The following OCIAD2 variants were observed in gnomAD, a reference collection of about 807,000 sequenced individuals.
OCIAD2 encodes OCIA domain containing 2.
Under a neutral mutation model 22.9 loss-of-function variants are expected in OCIAD2, and 29 were observed. The observed-to-expected ratio is 1.27, with a 90% CI of 0.94 to 1.73. The LOEUF is 1.73. Ranked by LOEUF, OCIAD2 falls within the 40% of genes most tolerant of loss-of-function variation. OCIAD2 has a pLI of 0.00. For missense variants in OCIAD2, 189 were observed against 180.3 expected (o/e 1.05, Z -0.28); for synonymous variants, 67 against 60.2 (o/e 1.11, Z -0.52).
At chr4:48,894,721 G>A (rs1579153205) in intron 4 of OCIAD2, among the ~76,000 whole-genome samples, 1 of 151,972 alleles carries the variant, frequency 6.6e-6, no homozygotes, top group East Asian at 1.9e-4. Flanking sequence ...AAGTTCTAGG[G>A]TACATGTGCA....
intron 2 of OCIAD2, among the ~76,000 whole-genome samples, chr4:48,902,427 G>T (rs1014124323): frequency 2.0e-5 from 3 of 152,152 alleles, no homozygotes; most frequent in African/African-American, 7.2e-5. Flanking sequence ...GTCCAAATGG[G>T]CAACCTCCCT....
intron 5 of OCIAD2, chr4:48,893,730 G>A: frequency 4.5e-6 from 1 of 223,962 alleles, no homozygotes; most frequent in East Asian, 9.0e-5. Flanking sequence ...AAGAAATGCA[G>A]AGTGGCAGAA....
intron 4 of OCIAD2, among the ~76,000 whole-genome samples, chr4:48,896,407 T>C (rs566553835): frequency 1.3e-5 from 2 of 152,036 alleles, no homozygotes; most frequent in South Asian, 2.1e-4. Flanking sequence ...CTAGGCAATA[T>C]AGTGAGACAC....
rs1425970376 is a variant in OCIAD2 at position 48,895,947 on chromosome 4, G to T, written c.217+1857C>A. ...CTAGGGAGGCTGAGGCAGGAGAATT[G>T]CTTGAACCCAGCAAGTGGAGGTTGT... On this transcript the variant is annotated intron_variant, in intron 4 of 6. Coordinates refer to ENST00000508632, the MANE Select transcript of OCIAD2 (RefSeq NM_001014446.3). Among the ~76,000 whole-genome samples the T allele has an allele frequency of 5.3e-5, 8 of 151,560 alleles. No homozygotes were observed. In the East Asian group the frequency reaches 1.6e-3, roughly 30 times the overall value.
chr4:48,887,003 T>C (rs1321475924), intron 6 of OCIAD2, among the ~76,000 whole-genome samples: 2 of 152,204 alleles, frequency 1.3e-5, no homozygotes, highest in African/African-American at 4.8e-5. Flanking sequence ...CCAGCCCCTG[T>C]TGTTTCCTGA....
chr4:48,887,715 G>A (rs1188718277), intron 6 of OCIAD2, among the ~76,000 whole-genome samples: 2 of 152,184 alleles, frequency 1.3e-5, no homozygotes, highest in Non-Finnish European at 2.9e-5. Context: ...TTGGTACCCA[G>A]TACCATGCTG....
intron 6 of OCIAD2, among the ~76,000 whole-genome samples, chr4:48,889,310 T>C (rs1781093945): frequency 6.6e-6 from 1 of 152,194 alleles, no homozygotes. Context: ...CATTGATTTT[T>C]TGAAGGGTTT....
At chr4:48,891,968 A>G (rs557787048) in intron 6 of OCIAD2, among the ~76,000 whole-genome samples, 1 of 152,336 alleles carries the variant, frequency 6.6e-6, no homozygotes, top group South Asian at 2.1e-4. Context: ...GGCCCCATCT[A>G]TCACTACAGG....
At chr4:48,889,232 C>G (rs887158835) in intron 6 of OCIAD2, among the ~76,000 whole-genome samples, 2 of 152,038 alleles carry the variant, frequency 1.3e-5, no homozygotes, top group Non-Finnish European at 2.9e-5. Context: ...TCTCTCTTTT[C>G]TTCTTTATTA....
chr4:48,894,297 C>G (rs1781253124), intron 4 of OCIAD2, among the ~76,000 whole-genome samples: 1 of 151,986 alleles, frequency 6.6e-6, no homozygotes, highest in South Asian at 2.1e-4. Flanking sequence ...TCGAAACCAG[C>G]TTGGCCAACA....
chr4:48,885,516 C>T lies in OCIAD2; in HGVS notation c.433G>A (p.Glu145Lys). The part of the protein sequence containing the change: ...EECKIKHGLS[E>K]KGDSQPSAS ...GCTGAAGGCTGAGAGTCTCCCTTCT[C>T]ACTTAATCCATGCTTTATTTTGCAT... Residue 145 changes from glutamate to lysine, a missense_variant, in exon 7 of 7, where the codon GAG becomes AAG. Glu to Lys is a moderately conservative substitution (Grantham distance 56, BLOSUM62 1). Coordinates refer to ENST00000508632, the MANE Select transcript of OCIAD2 (RefSeq NM_001014446.3). The T allele has an allele frequency of 5.6e-6, 9 of 1,611,674 alleles. No homozygotes were observed. Among genetic ancestry groups the T allele is most frequent in the Non-Finnish European group, 7.6e-6 (9 of 1,177,752 alleles).
intron 6 of OCIAD2, among the ~76,000 whole-genome samples, chr4:48,886,901 C>T (rs1401967227): frequency 1.3e-5 from 2 of 152,044 alleles, no homozygotes; most frequent in Non-Finnish European, 2.9e-5. Context: ...TTCTAGATCC[C>T]GGAGGAATCG....
chr4:48,900,874 G>GT (rs1256950452), intron 2 of OCIAD2, among the ~76,000 whole-genome samples: 15 of 151,988 alleles, frequency 9.9e-5, no homozygotes, highest in Non-Finnish European at 1.8e-4. Context: ...GATTACAGGC[G>GT]TAAGTCACTG....
At chr4:48,904,635 C>T (rs535748212) in intron 1 of OCIAD2, 24 bp from the exon 2 acceptor site, 14 of 1,181,968 alleles carry the variant, frequency 1.2e-5, no homozygotes, top group South Asian at 9.7e-5. Context: ...AAGAGAATCA[C>T]TATGCCATGA....
At chr4:48,904,399 T>G in intron 2 of OCIAD2, 85 bp downstream of exon 2, 1 of 1,159,152 alleles carries the variant, frequency 8.6e-7, no homozygotes, top group Middle Eastern at 1.9e-4. Context: ...CAGTGAGCCA[T>G]GACTGCACCA....
intron 4 of OCIAD2, among the ~76,000 whole-genome samples, chr4:48,894,536 A>G (rs1387359943): frequency 1.3e-5 from 2 of 152,188 alleles, no homozygotes; most frequent in Non-Finnish European, 1.5e-5. Context: ...TTCTCAGTTG[A>G]ATTGAACTCC....
chr4:48,888,030 G>A (rs541290058), intron 6 of OCIAD2, among the ~76,000 whole-genome samples: 1,586 of 152,246 alleles, frequency 0.01, 26 homozygotes, highest in African/African-American at 0.037. Flanking sequence ...GTGGTTTGTA[G>A]TTCTCCTTGA....
rs147751611 is a variant in OCIAD2 at position 48,885,525 on chromosome 4, C to T, written c.424G>A (p.Gly142Arg). 5.1e-4 allele frequency: 828 copies of T among 1,611,880 alleles called. No homozygotes were observed. Among genetic ancestry groups the T allele is most frequent in the Middle Eastern group, 1.5e-3 (9 of 6,080 alleles). Reference sequence around the variant, plus strand: ...TGAGAGTCTCCCTTCTCACTTAATCCATGCTTTATTTTGCATTCCTCACAG... The same window carrying T: ...TGAGAGTCTCCCTTCTCACTTAATCTATGCTTTATTTTGCATTCCTCACAG... ...LTCEECKIKH[G>R]LSEKGDSQPS... The change falls in exon 7 of 7, where the codon GGA (glycine) becomes AGA (arginine). Residue 142 changes from glycine to arginine, a missense_variant. Gly to Arg is a moderately radical substitution (Grantham distance 125). Transcript: ENST00000508632.
chr4:48,901,453 T>G (rs1579158244), intron 2 of OCIAD2, among the ~76,000 whole-genome samples: 1 of 148,590 alleles, frequency 6.7e-6, no homozygotes, highest in Non-Finnish European at 1.5e-5. Flanking sequence ...GTGTAAGAGC[T>G]AGGTATGGGT....
Sources: allele counts gnomAD v4.1 joint callset (sites outside exome capture counted in the v4.1 genomes callset), GRCh38; gene constraint gnomAD v4.1.1; transcripts MANE v1.5; gene names NCBI Gene and HGNC (gene_info 2026-07-23, HGNC 2026-07-21).